The following LMO7 variants were observed in gnomAD, a reference collection of about 807,000 sequenced individuals.
LMO7 encodes LIM domain 7.
LMO7 carries 120 observed loss-of-function variants against 206.5 expected under a neutral mutation model. The observed-to-expected ratio is 0.58, with a 90% CI of 0.50 to 0.68. The LOEUF (loss-of-function observed/expected upper bound fraction) is 0.68. Among genes scored for constraint, LMO7 ranks in the 30% least tolerant of loss-of-function variants. The pLI is 0.00. For synonymous variants in LMO7, 706 were observed against 681.5 expected (o/e 1.04, Z -0.56); for missense variants, 1,959 against 1,957.9 (o/e 1.00, Z -0.01).
At chr13:75,661,968 A>T (rs1015756600) in intron 1 of LMO7, among the ~76,000 whole-genome samples, 1 of 152,154 alleles carries the variant, frequency 6.6e-6, no homozygotes, top group Non-Finnish European at 1.5e-5. Context: ...TTATAACCAG[A>T]TTCTTATTTA....
intron 2 of LMO7, chr13:75,627,637 A>G (rs1449078393): frequency 6.6e-6 from 1 of 152,188 alleles, no homozygotes; most frequent in Non-Finnish European, 1.5e-5. Flanking sequence ...TTTAGGGAAA[A>G]CTGGACTTGA....
chr13:75,731,391 C>T (rs1384649839), intron 3 of LMO7, among the ~76,000 whole-genome samples: 6 of 152,250 alleles, frequency 3.9e-5, no homozygotes, highest in Middle Eastern at 3.4e-3. Context: ...TAATGGCCTT[C>T]TTTGTCTCTT....
intron 1 of LMO7, among the ~76,000 whole-genome samples, chr13:75,637,323 GA>G (rs2036033589): frequency 6.6e-6 from 1 of 152,108 alleles, no homozygotes; most frequent in African/African-American, 2.4e-5. Flanking sequence ...TTTCGGCTTT[GA>G]TGAGACTGAG....
intron 15 of LMO7, 145 bp downstream of exon 15, chr13:75,824,018 C>T (rs1566552479): frequency 1.5e-6 from 1 of 669,828 alleles, no homozygotes; most frequent in South Asian, 1.9e-5. Context: ...TTGAACAGAT[C>T]TTGGAGGAAG....
chr13:75,744,477 G>A (rs1285590858), intron 3 of LMO7, among the ~76,000 whole-genome samples: 8 of 152,138 alleles, frequency 5.3e-5, no homozygotes, highest in Admixed American at 5.2e-4. Flanking sequence ...ACTTGTAGAG[G>A]TAAAAATAAT....
At chr13:75,791,336 TCAATA>T (rs1478287109) in intron 4 of LMO7, among the ~76,000 whole-genome samples, 19 of 152,182 alleles carry the variant, frequency 1.2e-4, no homozygotes, top group Admixed American at 7.2e-4. Flanking sequence ...ATTATGAGTA[TCAATA>T]CAATTTGAGT....
rs781310467 is a variant in LMO7 at position 75,823,710 on chromosome 13, A to G, written c.2786A>G (p.Glu929Gly). The change falls in exon 15 of 31, where the codon GAA becomes GGA. Residue 929 changes from glutamate (E) to glycine (G), a missense_variant. Transcript: ENST00000377534. ...CAGAAAGAGGTAGCAGCAACAGAAGAAGATGTGACAAGGCTGCCCTCTCCT... is the reference window on the plus strand; with the variant it reads ...CAGAAAGAGGTAGCAGCAACAGAAGGAGATGTGACAAGGCTGCCCTCTCCT... ...SSQKEVAATEEDVTRLPSPTS... is the reference protein window; with the variant it reads ...SSQKEVAATEGDVTRLPSPTS... The G allele has an allele frequency of 1.9e-6, 3 of 1,614,018 alleles. No individual in the cohort carries two copies. The highest frequency in any genetic ancestry group is 3.3e-5 in the Admixed American group (2 of 60,000).
chr13:75,737,686 G>A (rs1478678187), intron 3 of LMO7, among the ~76,000 whole-genome samples: 14 of 132,084 alleles, frequency 1.1e-4, no homozygotes, highest in African/African-American at 3.8e-4. Context: ...CTGGGAGGCG[G>A]AGCTTGCAGT....
intron 2 of LMO7, among the ~76,000 whole-genome samples, chr13:75,625,128 A>C (rs973009783): frequency 3.9e-5 from 6 of 152,308 alleles, no homozygotes; most frequent in African/African-American, 1.4e-4. Context: ...AGATCTCCCA[A>C]GGTCAAACAG....
At chr13:75,714,383 A>G (rs1003270375) in intron 2 of LMO7, among the ~76,000 whole-genome samples, 2 of 152,200 alleles carry the variant, frequency 1.3e-5, no homozygotes, top group African/African-American at 2.4e-5. Context: ...CTTTGTATAT[A>G]TACAAGTTGT....
Position 75,853,264 on chromosome 13 carries a change from A to C in LMO7, c.4537A>C (p.Ser1513Arg), listed in dbSNP as rs1301683817. ...NRAYMRNPSSSVPPPSAGSVK... is the reference protein window; with the variant it reads ...NRAYMRNPSSRVPPPSAGSVK... ...TGCCTACATGCGGAACCCCTCCTCC[A>C]GCGTGCCCCCACCTTCAGCTGGCTC... Residue 1513 changes from serine to arginine, a missense_variant, in exon 28 of 31, where the codon AGC becomes CGC. Transcript: ENST00000377534. 2 of 1,613,948 alleles carry C rather than the reference A, an allele frequency of 1.2e-6. No homozygotes were observed. The highest frequency in any genetic ancestry group is 1.3e-5 in the African/African-American group (1 of 74,894).
chr13:75,819,643 C>T lies in LMO7; in HGVS notation c.2207+108C>T. 2.7e-6 allele frequency: 3 copies of T among 1,130,872 alleles called. No homozygotes were observed. In the East Asian group the frequency reaches 8.4e-5, roughly 32 times the overall value. 70.1% of individuals were successfully genotyped at this position (1,130,872 alleles called of 1,614,324 possible). A position where few individuals can be genotyped will look rare whatever the true frequency, so the allele number is the denominator to read the frequency against. ...GACATAGGTGTCCACCAATATTCAA[C>T]TTTAGTCAAATATGCAAAGAAACGT... On this transcript the variant is annotated intron_variant, in intron 13 of 30. Transcript: ENST00000377534.
At chr13:75,795,456 G>C in intron 5 of LMO7, 25 bp downstream of exon 5, 2 of 1,542,936 alleles carry the variant, frequency 1.3e-6, no homozygotes, top group Non-Finnish European at 1.8e-6. Context: ...CCTTAATGGA[G>C]CATTATAAGT....
At chr13:75,700,484 C>A (rs2042215104) in intron 1 of LMO7, among the ~76,000 whole-genome samples, 1 of 152,262 alleles carries the variant, frequency 6.6e-6, no homozygotes, top group Non-Finnish European at 1.5e-5. Context: ...GGTTCCCTGA[C>A]TTCCTGCAAT....
At chr13:75,837,427 C>G (rs1201437901) in intron 19 of LMO7, among the ~76,000 whole-genome samples, 1 of 152,132 alleles carries the variant, frequency 6.6e-6, no homozygotes, top group Admixed American at 6.6e-5. Flanking sequence ...GGGGACTATA[C>G]GTGGGCCCTG....
At chr13:75,705,085 G>A (rs373961152) in intron 1 of LMO7, among the ~76,000 whole-genome samples, 1 of 152,116 alleles carries the variant, frequency 6.6e-6, no homozygotes, top group African/African-American at 2.4e-5. Flanking sequence ...ATATGCCCTC[G>A]GGAGGCCGCT....
At chr13:75,644,603 T>C (rs918230909) in intron 1 of LMO7, among the ~76,000 whole-genome samples, 4 of 152,232 alleles carry the variant, frequency 2.6e-5, no homozygotes, top group African/African-American at 9.6e-5. Context: ...ATCAAATATA[T>C]GTAAGTTACA....
chr13:75,795,532 A>G (rs1220414224), intron 5 of LMO7, 101 bp downstream of exon 5: 27 of 808,276 alleles, frequency 3.3e-5, no homozygotes, highest in Non-Finnish European at 5.4e-5. Flanking sequence ...TCTCTTTTCT[A>G]ATTAATTTTT....
intron 3 of LMO7, among the ~76,000 whole-genome samples, chr13:75,729,148 T>A (rs2044828922): frequency 1.3e-5 from 2 of 149,478 alleles, no homozygotes; most frequent in African/African-American, 4.9e-5. Context: ...AAGTAGTTTT[T>A]TCCAATTCTG....
Sources: gnomAD v4.1 joint callset for allele counts (sites outside exome capture counted in the v4.1 genomes callset) on GRCh38, gnomAD v4.1.1 for gene constraint, MANE v1.5 for transcripts, NCBI Gene and HGNC (gene_info 2026-07-23, HGNC 2026-07-21) for gene names.